RPS6KA2: variants seen among roughly 807,000 people sequenced by gnomAD.
The protein encoded by RPS6KA2 is ribosomal protein S6 kinase alpha-2.
Under a neutral mutation model 91.8 loss-of-function variants are expected in RPS6KA2, and 42 were observed. That is an observed-to-expected ratio of 0.46 (90% CI 0.36 to 0.59). The LOEUF (loss-of-function observed/expected upper bound fraction) is 0.59. RPS6KA2 is among the 20% of genes least tolerant of loss of function. The probability of loss-of-function intolerance (pLI) is 0.00; values close to 1 mark genes in which losing one functional copy is unlikely to be tolerated. For synonymous variants in RPS6KA2, 414 were observed against 393.6 expected (o/e 1.05, Z -0.61); for missense variants, 798 against 978.5 (o/e 0.82, Z 2.46).
Position 166,626,976 on chromosome 6 carries a change from G to C in RPS6KA2, c.44C>G (p.Ser15Cys). The C allele has an allele frequency of 6.4e-7, 1 of 1,560,444 alleles. No individual in the cohort carries two copies. Among genetic ancestry groups the C allele is most frequent in the South Asian group, 1.2e-5 (1 of 85,664 alleles). ...GCGCGACTTCCTGCGCAGGTACACAGAGAAGAACCTGCGCACGGCGAACTT... is the reference window on the plus strand; with the variant it reads ...GCGCGACTTCCTGCGCAGGTACACACAGAAGAACCTGCGCACGGCGAACTT... ...MKKFAVRRFF[S>C]VYLRRKSRSK... Residue 15 changes from serine (S) to cysteine (C), a missense_variant, in exon 1 of 21, where the codon TCT becomes TGT. Coordinates refer to ENST00000265678, the MANE Select transcript of RPS6KA2 (RefSeq NM_021135.6). The surrounding 1 kb of genome is among the most constrained non-coding windows in gnomAD (Gnocchi z 4.1).
intron 2 of RPS6KA2, among the ~76,000 whole-genome samples, chr6:166,537,022 C>T (rs1783500799): frequency 6.6e-6 from 1 of 152,206 alleles, no homozygotes. Flanking sequence ...AGCCTTTCTC[C>T]TTTCATCTTT....
intron 10 of RPS6KA2, among the ~76,000 whole-genome samples, chr6:166,484,165 C>T (rs1266266242): frequency 1.3e-5 from 2 of 152,234 alleles, no homozygotes; most frequent in Non-Finnish European, 2.9e-5. Flanking sequence ...CGACTCAACT[C>T]CACACACTTC....
At chr6:166,777,067 T>C (rs1011312764) in intron 2 of RPS6KA2, among the ~76,000 whole-genome samples, 1 of 152,126 alleles carries the variant, frequency 6.6e-6, no homozygotes, top group Non-Finnish European at 1.5e-5. Context: ...GGTTTTAATA[T>C]GCTGGAGATA....
At chr6:166,675,437 G>A (rs948087351) in intron 2 of RPS6KA2, among the ~76,000 whole-genome samples, 1 of 152,158 alleles carries the variant, frequency 6.6e-6, no homozygotes, top group Non-Finnish European at 1.5e-5. Flanking sequence ...AGATGTTCGT[G>A]GCACAGTCGT....
At chr6:166,842,442 T>C (rs1409191848) in intron 2 of RPS6KA2, among the ~76,000 whole-genome samples, 1 of 151,630 alleles carries the variant, frequency 6.6e-6, no homozygotes, top group Non-Finnish European at 1.5e-5. Context: ...CAGGGAGAGG[T>C]TGGGACAAAT....
At chr6:166,862,611 A>G (rs1781076022), upstream of RPS6KA2, 1 of 202,056 alleles carries the variant, frequency 4.9e-6, no homozygotes, top group Non-Finnish European at 1.0e-5. Flanking sequence ...TCCCCTCACT[A>G]TTTTACCTTA....
At chr6:166,837,166 T>G (rs796927545) in intron 2 of RPS6KA2, among the ~76,000 whole-genome samples, 4 of 152,286 alleles carry the variant, frequency 2.6e-5, no homozygotes, top group African/African-American at 9.6e-5. Flanking sequence ...AGGCCTCCTG[T>G]CCAGCCTGTC....
chr6:166,624,562 A>G (rs1196388037), intron 1 of RPS6KA2, among the ~76,000 whole-genome samples: 1 of 152,194 alleles, frequency 6.6e-6, no homozygotes, highest in Non-Finnish European at 1.5e-5. Context: ...TGTGAGACTC[A>G]TCACTGGGTG....
At position 166,419,844 on chromosome 6, in the gene RPS6KA2, G is replaced by GT. The variant is rs774360814; in HGVS notation, c.1820+37dup. On this transcript the variant is annotated intron_variant, in intron 18 of 20. Transcript: ENST00000265678. The surrounding 1 kb of genome is among the most constrained non-coding windows in gnomAD (Gnocchi z 5.6). ...GATCAGCCACTGAGGCTGCTGCCCT[G>GT]TGTCTCCTCCTGACACCTGTTTGAG... The GT allele has an allele frequency of 1.6e-5, 26 of 1,579,186 alleles. No individual in the cohort carries two copies. The highest frequency in any genetic ancestry group is 2.2e-5 in the Non-Finnish European group (25 of 1,148,684).
At chr6:166,761,009 C>T (rs898945555) in intron 2 of RPS6KA2, among the ~76,000 whole-genome samples, 1 of 152,152 alleles carries the variant, frequency 6.6e-6, no homozygotes, top group Non-Finnish European at 1.5e-5. Context: ...CATTTAATTG[C>T]AGGTGGATGT....
chr6:166,508,665 T>G lies in RPS6KA2; in HGVS notation c.380-383A>C, dbSNP rs1562543988. On this transcript the variant is annotated intron_variant, in intron 4 of 20. Coordinates refer to ENST00000265678, the MANE Select transcript of RPS6KA2 (RefSeq NM_021135.6). This position sits in a 1 kb window ranked among gnomAD's most constrained non-coding sequence, Gnocchi z 4.3. ...CAGCCTGAAGATGGCTCTGGTGGGT[T>G]TGGAGGACATGTCCTTTCCGTCCTA... 6.6e-6 allele frequency among the ~76,000 whole-genome samples: 1 copy of G among 152,218 alleles called. No individual in the cohort carries two copies. The highest frequency in any genetic ancestry group is 1.5e-5 in the Non-Finnish European group (1 of 68,030).
intron 9 of RPS6KA2, among the ~76,000 whole-genome samples, chr6:166,489,555 C>T (rs1781523008): frequency 6.6e-6 from 1 of 152,202 alleles, no homozygotes; most frequent in Non-Finnish European, 1.5e-5. Flanking sequence ...GAGGCCACAC[C>T]CGTGACTTGC....
At position 166,432,335 on chromosome 6, in the gene RPS6KA2, T is replaced by A. The variant is rs76089036; in HGVS notation, c.1422+66A>T. The A allele has an allele frequency of 7.8e-3, 8,168 of 1,041,870 alleles. 410 individuals are homozygous for A. In the African/African-American group the frequency reaches 0.11, roughly 14 times the overall value. 64.5% of individuals were successfully genotyped at this position (1,041,870 alleles called of 1,614,324 possible). On this transcript the variant is annotated intron_variant, in intron 15 of 20. Coordinates refer to ENST00000265678, the MANE Select transcript of RPS6KA2 (RefSeq NM_021135.6). Reference sequence around the variant, plus strand: ...TGTGAGAAAGCTTGCTCTGAGTGAATGGGAGTTTTGTGTCAGTTGAAGAAA... The same window carrying A: ...TGTGAGAAAGCTTGCTCTGAGTGAAAGGGAGTTTTGTGTCAGTTGAAGAAA...
intron 10 of RPS6KA2, chr6:166,475,672 A>G (rs2235278): frequency 0.32 from 137,500 of 433,650 alleles, 24,450 homozygotes; most frequent in African/African-American, 0.56. Context: ...TTCAGTACAC[A>G]TTCACTGAAC....
intron 2 of RPS6KA2, among the ~76,000 whole-genome samples, chr6:166,667,597 T>C (rs1390992993): frequency 6.6e-6 from 1 of 152,210 alleles, no homozygotes; most frequent in African/African-American, 2.4e-5. Context: ...TTCTCATAGA[T>C]ATCAGCTTTC....
chr6:166,796,083 C>G (rs1245749555), intron 2 of RPS6KA2, among the ~76,000 whole-genome samples: 1 of 152,188 alleles, frequency 6.6e-6, no homozygotes, highest in Non-Finnish European at 1.5e-5. Context: ...CTTTTCTTAT[C>G]TGATGGAAAA....
chr6:166,757,023 A>G (rs947934662), intron 2 of RPS6KA2, among the ~76,000 whole-genome samples: 1 of 152,156 alleles, frequency 6.6e-6, no homozygotes, highest in Non-Finnish European at 1.5e-5. Flanking sequence ...TGAACTGTGC[A>G]CTTAAAAATG....
intron 2 of RPS6KA2, among the ~76,000 whole-genome samples, chr6:166,709,544 C>T (rs1283626875): frequency 1.3e-5 from 2 of 152,228 alleles, no homozygotes; most frequent in Non-Finnish European, 2.9e-5. Flanking sequence ...TCTCAAATCA[C>T]ATTGTTATTC....
At chr6:166,620,215 C>G (rs948449761) in intron 1 of RPS6KA2, among the ~76,000 whole-genome samples, 1 of 152,216 alleles carries the variant, frequency 6.6e-6, no homozygotes, top group Non-Finnish European at 1.5e-5. Context: ...CTCATTCAAG[C>G]CTTTCTTTTC....
Sources: gnomAD v4.1 joint callset for allele counts (sites outside exome capture counted in the v4.1 genomes callset) on GRCh38, gnomAD v4.1.1 for gene constraint, Gnocchi (gnomAD v3.1) non-coding constraint, MANE v1.5 for transcripts, NCBI Gene and HGNC (gene_info 2026-07-23, HGNC 2026-07-21) for gene names.